The following FOXJ1 variants were observed in gnomAD, a reference collection of about 807,000 sequenced individuals.
FOXJ1 encodes forkhead box protein J1.
Under a neutral mutation model 29.3 loss-of-function variants are expected in FOXJ1, and 8 were observed. That is an observed-to-expected ratio of 0.27 (90% CI 0.16 to 0.49). FOXJ1 has a LOEUF of 0.49. Among genes scored for constraint, FOXJ1 ranks in the 20% least tolerant of loss-of-function variants. The pLI, the probability that FOXJ1 is intolerant of heterozygous loss-of-function variation, is 0.98. For missense variants in FOXJ1, 539 were observed against 595.5 expected (o/e 0.91, Z 0.99); for synonymous variants, 280 against 278.7 (o/e 1.00, Z -0.05).
rs1367387641 is a variant in FOXJ1 at position 76,137,616 on chromosome 17, G to A, written c.1003C>T (p.Pro335Ser). ...TCCACGTGTGAGGCGGGGCTCAGAG[G>A]CGGGCTCAGCTCCAGGGCCTCCAGT... ...GALEALELSP[P>S]LSPASHVDVD... Residue 335 changes from proline (P) to serine (S), a missense_variant, in exon 3 of 3, where the codon CCT (proline) becomes TCT (serine). Pro to Ser is a moderately conservative substitution (Grantham distance 74, BLOSUM62 -1). Around this residue, in one of 3 missense-constraint regions of FOXJ1, gnomAD observed 302 missense variants for 293.6 expected, o/e 1.03. Transcript: ENST00000322957. The surrounding 1 kb of genome is among the most constrained non-coding windows in gnomAD (Gnocchi z 9.5). The A allele has an allele frequency of 3.2e-6, 5 of 1,586,958 alleles. No individual in the cohort carries two copies. Among genetic ancestry groups the A allele is most frequent in the Non-Finnish European group, 3.4e-6 (4 of 1,166,308 alleles).
At position 76,140,633 on chromosome 17, in the gene FOXJ1, CCTCT is replaced by C. The variant is rs2068510964; in HGVS notation, c.-169-73_-169-70del. 4.3e-6 allele frequency: 2 copies of C among 469,656 alleles called. No homozygotes were observed. Among genetic ancestry groups the C allele is most frequent in the East Asian group, 7.3e-5 (2 of 27,574 alleles). 29.1% of individuals were successfully genotyped at this position (469,656 alleles called of 1,614,324 possible). A position where few individuals can be genotyped will look rare whatever the true frequency, so the allele number is the denominator to read the frequency against. On this transcript the variant is annotated intron_variant, in intron 1 of 2. Transcript: ENST00000322957. The surrounding 1 kb of genome is among the most constrained non-coding windows in gnomAD (Gnocchi z 8.0). ...GGGGACAGTGTGTGTACGGGGACGC[CCTCT>C]CTAACATCATCCCCGCAGCTGGGGA...
rs1286036482 is a variant in FOXJ1, at chr17:76,140,064, T to A, written c.332A>T (p.Asp111Val). Residue 111 changes from aspartate to valine, a missense_variant, in exon 2 of 3, where the codon GAC becomes GTC. Physicochemically the swap from Asp to Val is radical, Grantham distance 152. This residue lies in a region of FOXJ1 where 178 missense variants were observed against 254.4 expected (regional missense o/e 0.70). Coordinates refer to ENST00000322957, the MANE Select transcript of FOXJ1 (RefSeq NM_001454.4). The surrounding 1 kb of genome is among the most constrained non-coding windows in gnomAD (Gnocchi z 8.0). ...PPGLQAPPPD[D>V]VDYATNPHVK... The stretch of plus-strand genomic sequence containing the variant: ...GTGCGGATTGGTGGCGTAGTCCACG[T>A]CGTCGGGGGGTGGGGCCTGCAGCCC... 6.2e-6 allele frequency: 10 copies of A among 1,608,058 alleles called. No individual in the cohort carries two copies. Among genetic ancestry groups the A allele is most frequent in the African/African-American group, 1.3e-5 (1 of 74,940 alleles).
Position 76,137,982 on chromosome 17 carries a change from G to T in FOXJ1, c.637C>A (p.Arg213=). The T allele has an allele frequency of 6.2e-7, 1 of 1,606,692 alleles. No individual in the cohort carries two copies. Among genetic ancestry groups the T allele is most frequent in the South Asian group, 1.1e-5 (1 of 90,288 alleles). The part of the protein sequence containing the change: ...ERLLSGAFKK[R]RLPPVHIHPA... ...TGGATGTGGACAGGGGGCAGTCGCC[G>T]CTTCTTGAAAGCGCCGCTCAGTAGC... Residue 213 remains arginine (R), a synonymous_variant, in exon 3 of 3, where the codon CGG becomes AGG. Transcript: ENST00000322957. The surrounding 1 kb of genome is among the most constrained non-coding windows in gnomAD (Gnocchi z 9.5).
Position 76,140,533 on chromosome 17 carries a change from G to A in FOXJ1, c.-138C>T. ...ACGCGCGCTTCCATCTCGCGACCCC[G>A]GGGGCGCCTCCTCCGAATAAGTATG... On this transcript the variant is annotated 5_prime_UTR_variant, in exon 2 of 3. Coordinates refer to ENST00000322957, the MANE Select transcript of FOXJ1 (RefSeq NM_001454.4). This position sits in a 1 kb window ranked among gnomAD's most constrained non-coding sequence, Gnocchi z 8.0. 2 of 752,150 alleles carry A rather than the reference G, an allele frequency of 2.7e-6. No homozygotes were observed. Among genetic ancestry groups the A allele is most frequent in the Non-Finnish European group, 3.9e-6 (2 of 507,414 alleles). The allele number at this position is 752,150 out of a possible 1,614,324, so 46.6% of individuals were successfully genotyped here.
At position 76,139,856 on chromosome 17, in the gene FOXJ1, A is replaced by G; in HGVS notation, c.498+42T>C. 4.5e-6 allele frequency: 7 copies of G among 1,555,268 alleles called. No individual in the cohort carries two copies. Among genetic ancestry groups the G allele is most frequent in the Non-Finnish European group, 6.1e-6 (7 of 1,149,388 alleles). On this transcript the variant is annotated intron_variant, in intron 2 of 2. Coordinates refer to ENST00000322957, the MANE Select transcript of FOXJ1 (RefSeq NM_001454.4). This position sits in a 1 kb window ranked among gnomAD's most constrained non-coding sequence, Gnocchi z 6.6. ...ATCCAGTGCAGCGTGGGGAGCGAGGAGGGAATGGGGAGGGAGCGGCCGCCG... is the reference window on the plus strand; with the variant it reads ...ATCCAGTGCAGCGTGGGGAGCGAGGGGGGAATGGGGAGGGAGCGGCCGCCG...
Position 76,138,127 on chromosome 17 carries a change from G to A in FOXJ1, c.499-7C>T. On this transcript the variant is annotated splice_polypyrimidine_tract_variant and splice_region_variant and intron_variant, in intron 2 of 2. Coordinates refer to ENST00000322957, the MANE Select transcript of FOXJ1 (RefSeq NM_001454.4). ...GGTTGTGGCGGATTGAATTCTGGGTGCAGGGAGAGAGCAAGAGAGAGAGGA... is the reference window on the plus strand; with the variant it reads ...GGTTGTGGCGGATTGAATTCTGGGTACAGGGAGAGAGCAAGAGAGAGAGGA... 1 of 1,613,386 alleles carries A rather than the reference G, an allele frequency of 6.2e-7. No homozygotes were observed.
chr17:76,140,353 C>T lies in FOXJ1; in HGVS notation c.43G>A (p.Glu15Lys). 1 of 1,496,076 alleles carries T rather than the reference C, an allele frequency of 6.7e-7. No homozygotes were observed. The highest frequency in any genetic ancestry group is 8.9e-7 in the Non-Finnish European group (1 of 1,129,212). The allele number at this position is 1,496,076 out of a possible 1,614,324, so 92.7% of individuals were successfully genotyped here. The change falls in exon 2 of 3, where the codon GAG (glutamate) becomes AAG (lysine). Residue 15 changes from glutamate to lysine, a missense_variant. Around this residue, in one of 3 missense-constraint regions of FOXJ1, gnomAD observed 59 missense variants for 47.5 expected, o/e 1.24. Coordinates refer to ENST00000322957, the MANE Select transcript of FOXJ1 (RefSeq NM_001454.4). This position sits in a 1 kb window ranked among gnomAD's most constrained non-coding sequence, Gnocchi z 8.0. ...AGGCCGCCCTCCGGCCCGGCCTCCT[C>T]CGCCGGCCCGGCTCCCGAGAGGCGC... Reference protein sequence around the residue: ...WLRLSGAGPAEEAGPEGGLEE... With the variant: ...WLRLSGAGPAKEAGPEGGLEE...
In FOXJ1 at chr17:76,137,282, G is replaced by A; in HGVS notation, c.*71C>T. 7.6e-7 allele frequency: 1 copy of A among 1,318,248 alleles called. No homozygotes were observed. The highest frequency in any genetic ancestry group is 9.9e-7 in the Non-Finnish European group (1 of 1,010,286). The allele number at this position is 1,318,248 out of a possible 1,614,324, so 81.7% of individuals were successfully genotyped here. ...CCTGCCTAGGTGGTGGGGTGTCTGT[G>A]GACCTGTGTTGGGGGGCAGTTCTGG... is the stretch of plus-strand genomic sequence containing the variant. On this transcript the variant is annotated 3_prime_UTR_variant, in exon 3 of 3. Coordinates refer to ENST00000322957, the MANE Select transcript of FOXJ1 (RefSeq NM_001454.4). This position sits in a 1 kb window ranked among gnomAD's most constrained non-coding sequence, Gnocchi z 9.5.
Position 76,137,365 on chromosome 17 carries a change from C to T in FOXJ1, c.1254G>A (p.Gly418=), listed in dbSNP as rs773365878. The T allele has an allele frequency of 2.0e-6, 3 of 1,494,668 alleles. No homozygotes were observed. The African/African-American group carries it at 4.2e-5, about 21-fold the overall frequency. 92.6% of individuals were successfully genotyped at this position (1,494,668 alleles called of 1,614,324 possible). ...AGGGCCTGGCCTCTTACAAGAAGGC[C>T]CCCACGCTGGCCCAGTCCTGCAGGT... The part of the protein sequence containing the change: ...ASDLQDWASV[G]AFL The change falls in exon 3 of 3, where the codon GGG becomes GGA. Residue 418 remains glycine (G), a synonymous_variant. Transcript: ENST00000322957. This position sits in a 1 kb window ranked among gnomAD's most constrained non-coding sequence, Gnocchi z 9.5.
chr17:76,137,739 G>A lies in FOXJ1; in HGVS notation c.880C>T (p.Pro294Ser), dbSNP rs1271915008. Residue 294 changes from proline to serine, a missense_variant, in exon 3 of 3, where the codon CCC (proline) becomes TCC (serine). Transcript: ENST00000322957. This position sits in a 1 kb window ranked among gnomAD's most constrained non-coding sequence, Gnocchi z 9.5. Reference sequence around the variant, plus strand: ...AGCTCACCCTGCTCCTCCGGGGTGGGCAGCAGGGTGCTGGGGGGCCGCGGG... The same window carrying A: ...AGCTCACCCTGCTCCTCCGGGGTGGACAGCAGGGTGCTGGGGGGCCGCGGG... ...KVPRPPSTLL[P>S]TPEEQGELEP... The A allele has an allele frequency of 1.1e-5, 17 of 1,610,804 alleles. No homozygotes were observed. The Admixed American group carries it at 2.3e-4, about 22-fold the overall frequency.
In FOXJ1 at chr17:76,140,132, C is replaced by T. The variant is rs751444109; in HGVS notation, c.264G>A (p.Pro88=). ...ACGTGCACGACGACGTGGGCTTGCC[C>T]GGCGTGTGTGGCTGCCCCAGGCAGG... ...DPACLGQPHT[P]GKPTSSCTSR... is the part of the protein sequence containing the mutation. Residue 88 remains proline, a synonymous_variant, in exon 2 of 3, where the codon CCG becomes CCA. Transcript: ENST00000322957. This position sits in a 1 kb window ranked among gnomAD's most constrained non-coding sequence, Gnocchi z 8.0. The T allele has an allele frequency of 6.3e-6, 10 of 1,579,634 alleles. No homozygotes were observed. The highest frequency in any genetic ancestry group is 1.4e-5 in the African/African-American group (1 of 74,056).
In FOXJ1 at chr17:76,137,891, A is replaced by G; in HGVS notation, c.728T>C (p.Val243Ala). 1 of 1,573,018 alleles carries G rather than the reference A, an allele frequency of 6.4e-7. No individual in the cohort carries two copies. Among genetic ancestry groups the G allele is most frequent in the South Asian group, 1.2e-5 (1 of 86,572 alleles). ...CAGCAGCTGCTGGGCCTCGGTATTC[A>G]CCGTCAGCGGCCCGGCCCGGGGGAC... ...SAVPRAGPLT[V>A]NTEAQQLLRE... The change falls in exon 3 of 3, where the codon GTG becomes GCG. Residue 243 changes from valine (V) to alanine (A), a missense_variant. Val to Ala is a moderately conservative substitution (Grantham distance 64). Transcript: ENST00000322957. This position sits in a 1 kb window ranked among gnomAD's most constrained non-coding sequence, Gnocchi z 9.5.
intron 2 of FOXJ1, among the ~76,000 whole-genome samples, chr17:76,138,547 C>G (rs1868824): frequency 0.29 from 43,447 of 151,528 alleles, 6,503 homozygotes; most frequent in African/African-American, 0.36. Context: ...AGGGAGGGGG[C>G]TGGGCAGCCG....
chr17:76,138,971 ACT>A (rs1378175227), intron 2 of FOXJ1, among the ~76,000 whole-genome samples: 2 of 151,624 alleles, frequency 1.3e-5, no homozygotes, highest in Non-Finnish European at 2.9e-5. Context: ...ATGGCTGAAG[ACT>A]CTTAGGGCAC....
chr17:76,138,156 G>A (rs769241852), intron 2 of FOXJ1, 36 bp from the exon 3 acceptor site: 16 of 1,607,954 alleles, frequency 1.0e-5, no homozygotes, highest in East Asian at 2.2e-5. Flanking sequence ...GAGAGGAACC[G>A]CTAGGTCAGT....
chr17:76,138,018 A>G lies in FOXJ1; in HGVS notation c.601T>C (p.Tyr201His), dbSNP rs1289189619. ...GCGCCGCTCAGTAGCCGCTCCGCGT[A>G]CTGGGGGTCAATGCGCCAGAAGCCC... is the stretch of plus-strand genomic sequence containing the variant. ...KGGFWRIDPQ[Y>H]AERLLSGAFK... The change falls in exon 3 of 3, where the codon TAC becomes CAC. Residue 201 changes from tyrosine (Y) to histidine (H), a missense_variant. Physicochemically the swap from Tyr to His is moderately conservative, Grantham distance 83. Around this residue, in one of 3 missense-constraint regions of FOXJ1, gnomAD observed 178 missense variants for 254.4 expected, o/e 0.70. Coordinates refer to ENST00000322957, the MANE Select transcript of FOXJ1 (RefSeq NM_001454.4). 1.2e-6 allele frequency: 2 copies of G among 1,613,698 alleles called. No individual in the cohort carries two copies. Among genetic ancestry groups the G allele is most frequent in the South Asian group, 2.2e-5 (2 of 91,068 alleles).
rs2068483042 is a variant in FOXJ1 at position 76,136,942 on chromosome 17, A to T, written c.*411T>A. On this transcript the variant is annotated 3_prime_UTR_variant, in exon 3 of 3. Transcript: ENST00000322957. The surrounding 1 kb of genome is among the most constrained non-coding windows in gnomAD (Gnocchi z 4.9). ...TAATTAGCATTTGTTGTACCTGGGG[A>T]CTCTCTCTGGATAGAGACCTGGGGA... 1 of 171,906 alleles carries T rather than the reference A, an allele frequency of 5.8e-6. No homozygotes were observed. The highest frequency in any genetic ancestry group is 1.2e-5 in the Non-Finnish European group (1 of 81,942). 10.6% of individuals were successfully genotyped at this position (171,906 alleles called of 1,614,324 possible).
In FOXJ1 at chr17:76,137,256, C is replaced by A; in HGVS notation, c.*97G>T. On this transcript the variant is annotated 3_prime_UTR_variant, in exon 3 of 3. Transcript: ENST00000322957. The surrounding 1 kb of genome is among the most constrained non-coding windows in gnomAD (Gnocchi z 9.5). Reference sequence around the variant, plus strand: ...GCAAGCCTTGGAGCCCTGGCCCAGCCCCTGCCTAGGTGGTGGGGTGTCTGT... The same window carrying A: ...GCAAGCCTTGGAGCCCTGGCCCAGCACCTGCCTAGGTGGTGGGGTGTCTGT... The A allele has an allele frequency of 8.8e-7, 1 of 1,131,566 alleles. No individual in the cohort carries two copies. The highest frequency in any genetic ancestry group is 1.2e-6 in the Non-Finnish European group (1 of 850,530). The allele number at this position is 1,131,566 out of a possible 1,614,324, so 70.1% of individuals were successfully genotyped here. A position where few individuals can be genotyped will look rare whatever the true frequency, so the allele number is the denominator to read the frequency against.
Position 76,136,869 on chromosome 17 carries a change from G to C in FOXJ1, c.*484C>G, listed in dbSNP as rs2144760885. ...CCATCCACAGCCTGCCCCGGCCCCAGGGAGGCTCTGCCAGGAGAAGCCTCC... is the reference window on the plus strand; with the variant it reads ...CCATCCACAGCCTGCCCCGGCCCCACGGAGGCTCTGCCAGGAGAAGCCTCC... On this transcript the variant is annotated 3_prime_UTR_variant, in exon 3 of 3. Coordinates refer to ENST00000322957, the MANE Select transcript of FOXJ1 (RefSeq NM_001454.4). The surrounding 1 kb of genome is among the most constrained non-coding windows in gnomAD (Gnocchi z 4.9). 6.5e-6 allele frequency: 1 copy of C among 153,310 alleles called. No homozygotes were observed. The highest frequency in any genetic ancestry group is 2.1e-4 in the South Asian group (1 of 4,848). 9.5% of individuals were successfully genotyped at this position (153,310 alleles called of 1,614,324 possible).
Sources: allele counts gnomAD v4.1 joint callset (sites outside exome capture counted in the v4.1 genomes callset), GRCh38; gene constraint gnomAD v4.1.1; regional missense constraint gnomAD v4.1.1; non-coding constraint Gnocchi (gnomAD v3.1); transcripts MANE v1.5; gene names NCBI Gene and HGNC (gene_info 2026-07-23, HGNC 2026-07-21).